Variants in UNC5D observed in about 807,000 individuals in gnomAD.
UNC5D encodes the protein unc-5 netrin receptor D, also known as netrin receptor UNC5D.
A neutral mutation model predicts 105.4 loss-of-function variants in UNC5D; 39 were observed. That is an observed-to-expected ratio of 0.37 (90% CI 0.29 to 0.48). UNC5D has a LOEUF of 0.48. Among genes scored for constraint, UNC5D ranks in the 20% least tolerant of loss-of-function variants. The pLI, the probability that UNC5D is intolerant of heterozygous loss-of-function variation, is 0.98. For synonymous variants in UNC5D, 452 were observed against 450.4 expected (o/e 1.00, Z -0.04); for missense variants, 991 against 1,202.4 (o/e 0.82, Z 2.60).
intron 1 of UNC5D, among the ~76,000 whole-genome samples, chr8:35,397,755 C>T (rs367663186): frequency 2.0e-5 from 3 of 152,276 alleles, no homozygotes; most frequent in Non-Finnish European, 4.4e-5. Context: ...GCTGCAATAG[C>T]GTCCAAACTG....
chr8:35,745,135 G>A (rs757581977), intron 11 of UNC5D, among the ~76,000 whole-genome samples: 1 of 152,106 alleles, frequency 6.6e-6, no homozygotes, highest in Non-Finnish European at 1.5e-5. Context: ...ATAGGCAAAT[G>A]GTATGGTACA....
rs552108794 is a variant in UNC5D, at chr8:35,612,443, T to G, written c.570+16786T>G. Among the ~76,000 whole-genome samples the G allele has an allele frequency of 1.5e-4, 23 of 152,198 alleles. 1 individual carries two copies. The South Asian group carries it at 4.6e-3, about 30-fold the overall frequency. On this transcript the variant is annotated intron_variant, in intron 4 of 16. Coordinates refer to ENST00000404895, the MANE Select transcript of UNC5D (RefSeq NM_080872.4). ...GTGGGTAATTGGGGAAAGGAGATCA[T>G]TTTCCTTGTTTGATTTCCAGATGCC...
intron 4 of UNC5D, among the ~76,000 whole-genome samples, chr8:35,631,149 C>T (rs1467280415): frequency 1.3e-5 from 2 of 152,034 alleles, no homozygotes; most frequent in African/African-American, 4.8e-5. Context: ...CCCATCTCTA[C>T]CAAAATACAA....
At chr8:35,664,984 C>T (rs1824335194) in intron 4 of UNC5D, among the ~76,000 whole-genome samples, 5 of 152,198 alleles carry the variant, frequency 3.3e-5, no homozygotes, top group Admixed American at 2.0e-4. Flanking sequence ...CAGATGTGCA[C>T]CACCATGCCC....
rs148855530 is a variant in UNC5D at position 35,349,352 on chromosome 8, A to G, written c.103+113465A>G. On this transcript the variant is annotated intron_variant, in intron 1 of 16. Coordinates refer to ENST00000404895, the MANE Select transcript of UNC5D (RefSeq NM_080872.4). ...ATTTTGTCACTTCAAACAATGATCA[A>G]TTAGAAAATGTTGGTTCACTGAGTT... 2.8e-4 allele frequency among the ~76,000 whole-genome samples: 43 copies of G among 152,132 alleles called. 1 individual carries two copies. Among genetic ancestry groups the G allele is most frequent in the South Asian group, 1.4e-3 (7 of 4,828 alleles).
chr8:35,334,035 C>T (rs1257078957), intron 1 of UNC5D, among the ~76,000 whole-genome samples: 1 of 152,058 alleles, frequency 6.6e-6, no homozygotes, highest in African/African-American at 2.4e-5. Flanking sequence ...TGGCAGAAAA[C>T]CTCCTTCCAC....
intron 1 of UNC5D, among the ~76,000 whole-genome samples, chr8:35,398,278 C>T (rs1804225876): frequency 6.6e-6 from 1 of 152,128 alleles, no homozygotes; most frequent in Non-Finnish European, 1.5e-5. Flanking sequence ...TTCTTGACCT[C>T]CTTCTTTTAA....
chr8:35,397,808 C>A (rs1804201040), intron 1 of UNC5D, among the ~76,000 whole-genome samples: 1 of 152,196 alleles, frequency 6.6e-6, no homozygotes, highest in African/African-American at 2.4e-5. Context: ...AATCCACACT[C>A]CACCAAGAGC....
chr8:35,644,895 C>T lies in UNC5D; in HGVS notation c.571-38652C>T, dbSNP rs566452561. ...ATATCAAAAAGTGAGACTTGGAGCA[C>T]TCGGACAATGGTAGAATTCTGATAT... On this transcript the variant is annotated intron_variant, in intron 4 of 16. Transcript: ENST00000404895. Among the ~76,000 whole-genome samples the T allele has an allele frequency of 2.4e-4, 37 of 152,196 alleles. No individual in the cohort carries two copies. In the South Asian group the frequency reaches 4.1e-3, roughly 17 times the overall value.
rs1025473192 is a variant in UNC5D at position 35,789,845 on chromosome 8, A to G, written c.2658-514A>G. Among the ~76,000 whole-genome samples, 5 of 152,012 alleles carry G rather than the reference A, an allele frequency of 3.3e-5. No individual in the cohort carries two copies. In the South Asian group the frequency reaches 8.3e-4, roughly 25 times the overall value. ...TGAAAAAATAGGAATGAGTGAAAGT[A>G]TGACATAAACTAATGAAATAGAGCA... is the stretch of plus-strand genomic sequence containing the variant. On this transcript the variant is annotated intron_variant, in intron 16 of 16. Coordinates refer to ENST00000404895, the MANE Select transcript of UNC5D (RefSeq NM_080872.4).
intron 7 of UNC5D, among the ~76,000 whole-genome samples, chr8:35,701,671 G>A (rs1387330767): frequency 6.6e-6 from 1 of 152,016 alleles, no homozygotes; most frequent in East Asian, 1.9e-4. Context: ...CAGACACAAA[G>A]CAATAGCTGC....
At chr8:35,266,865 A>G (rs1413893775) in intron 1 of UNC5D, among the ~76,000 whole-genome samples, 1 of 152,184 alleles carries the variant, frequency 6.6e-6, no homozygotes, top group Non-Finnish European at 1.5e-5. Flanking sequence ...GCTGGGAGGA[A>G]GCATCCCAAA....
intron 9 of UNC5D, among the ~76,000 whole-genome samples, chr8:35,723,276 T>C (rs917048911): frequency 2.6e-5 from 4 of 152,142 alleles, no homozygotes; most frequent in Admixed American, 6.5e-5. Flanking sequence ...CTGGAAAAAA[T>C]TGAGAGATGG....
chr8:35,334,183 G>A (rs1463553284), intron 1 of UNC5D, among the ~76,000 whole-genome samples: 1 of 151,992 alleles, frequency 6.6e-6, no homozygotes, highest in Non-Finnish European at 1.5e-5. Flanking sequence ...ACCTAGACAA[G>A]GAAAAACTAA....
chr8:35,749,489 G>A (rs953703294), intron 12 of UNC5D, among the ~76,000 whole-genome samples: 13 of 152,108 alleles, frequency 8.5e-5, no homozygotes, highest in Admixed American at 2.0e-4. Context: ...GGCACTTCAG[G>A]CCAAAGAAGT....
At chr8:35,580,322 A>T (rs1325121074) in intron 3 of UNC5D, among the ~76,000 whole-genome samples, 2 of 152,174 alleles carry the variant, frequency 1.3e-5, no homozygotes, top group African/African-American at 4.8e-5. Flanking sequence ...GGTGGTAGTT[A>T]GGTGAGTAGA....
intron 4 of UNC5D, among the ~76,000 whole-genome samples, chr8:35,636,534 A>G (rs1245743555): frequency 1.3e-5 from 2 of 152,132 alleles, no homozygotes; most frequent in African/African-American, 2.4e-5. Flanking sequence ...TGGAGATACC[A>G]TTGCTCCCAG....
intron 9 of UNC5D, among the ~76,000 whole-genome samples, chr8:35,725,742 C>T (rs1828823254): frequency 6.6e-6 from 1 of 152,168 alleles, no homozygotes; most frequent in Non-Finnish European, 1.5e-5. Flanking sequence ...TTAAAATGAA[C>T]AGATGTTATT....
chr8:35,658,644 C>CTTTTTTTTTTTTTTTTTTTTTTTTT (rs34252660), intron 4 of UNC5D, among the ~76,000 whole-genome samples: 1 of 84,366 alleles, frequency 1.2e-5, no homozygotes, highest in African/African-American at 4.5e-5. Context: ...TCATGAGTGA[C>CTTTTTTTTTTTTTTTTTTTTTTTTT]TTTTTTTTTT....
Sources: allele counts gnomAD v4.1 joint callset (sites outside exome capture counted in the v4.1 genomes callset), GRCh38; gene constraint gnomAD v4.1.1; transcripts MANE v1.5; gene names NCBI Gene and HGNC (gene_info 2026-07-23, HGNC 2026-07-21).